Variants in ANKFN1 observed in about 807,000 individuals in gnomAD.
ANKFN1 encodes ankyrin repeat and fibronectin type-III domain-containing protein 1.
In ANKFN1, 74 loss-of-function variants were observed where a neutral mutation model predicts 108.7. The ratio of observed to expected loss-of-function variants is 0.68; its 90% CI spans 0.56 to 0.83. The LOEUF is 0.83. ANKFN1 is among the 40% of genes least tolerant of loss of function. ANKFN1 has a pLI of 0.00. For missense variants in ANKFN1, 1,505 were observed against 1,382.3 expected, an observed-to-expected ratio of 1.09 and a Z score of -1.41; for synonymous variants, 547 against 516.2, an observed-to-expected ratio of 1.06 and a Z score of -0.81.
chr17:56,202,935 T>C (rs751081170), intron 1 of ANKFN1, among the ~76,000 whole-genome samples: 9 of 152,192 alleles, frequency 5.9e-5, no homozygotes, highest in Non-Finnish European at 1.3e-4. Flanking sequence ...TAATGAGAAA[T>C]GTTAGCTAAA....
chr17:56,116,067 C>A (rs1280779100), intron 4 of ANKFN1, among the ~76,000 whole-genome samples: 1 of 152,192 alleles, frequency 6.6e-6, no homozygotes, highest in East Asian at 1.9e-4. Context: ...TCAAACATCA[C>A]CACCTCTCCA....
chr17:56,186,446 C>T (rs1159579347), intron 1 of ANKFN1, among the ~76,000 whole-genome samples: 3 of 151,816 alleles, frequency 2.0e-5, no homozygotes, highest in Admixed American at 6.6e-5. Flanking sequence ...AGAGGTTAAG[C>T]GGCTTGTCCA....
At chr17:56,229,682 AAAAAAAG>A (rs1916567738) in intron 3 of ANKFN1, among the ~76,000 whole-genome samples, 1 of 149,918 alleles carries the variant, frequency 6.7e-6, no homozygotes, top group African/African-American at 2.4e-5. Context: ...AAAAAAAAAA[AAAAAAAG>A]GGGGGTTGGG....
At chr17:56,081,225 A>G (rs1185579116) in intron 4 of ANKFN1, among the ~76,000 whole-genome samples, 8 of 152,220 alleles carry the variant, frequency 5.3e-5, no homozygotes, top group Non-Finnish European at 1.0e-4. Context: ...AGTTTATTAA[A>G]CAGCATTAGA....
At chr17:56,397,115 C>A (rs1413321047) in intron 8 of ANKFN1, among the ~76,000 whole-genome samples, 2 of 151,802 alleles carry the variant, frequency 1.3e-5, no homozygotes, top group Non-Finnish European at 2.9e-5. Flanking sequence ...TATACTCATA[C>A]TCAAAAACAT....
At chr17:56,406,469 A>T (rs1278435010) in intron 8 of ANKFN1, among the ~76,000 whole-genome samples, 1 of 152,138 alleles carries the variant, frequency 6.6e-6, no homozygotes, top group Non-Finnish European at 1.5e-5. Context: ...TCCCCAAAAG[A>T]GTCTTTTATA....
chr17:56,210,427 C>T (rs954672162), intron 1 of ANKFN1, among the ~76,000 whole-genome samples: 1 of 152,094 alleles, frequency 6.6e-6, no homozygotes, highest in African/African-American at 2.4e-5. Flanking sequence ...TGATTATGGC[C>T]ATTCTTGAAG....
intron 4 of ANKFN1, 135 bp downstream of exon 4, chr17:56,326,490 G>C: frequency 2.6e-6 from 3 of 1,146,148 alleles, no homozygotes; most frequent in Non-Finnish European, 3.6e-6. Flanking sequence ...TTAGCTGCAG[G>C]TGGTCCATGA....
At chr17:56,498,755 T>G (rs1359260012) in intron 19 of ANKFN1, 127 bp from the exon 20 acceptor site, 1 of 749,772 alleles carries the variant, frequency 1.3e-6, no homozygotes, top group Admixed American at 2.8e-5. Context: ...AAATCTATGT[T>G]AAAAATATTT....
At chr17:56,075,356 A>G (rs9898039) in intron 4 of ANKFN1, among the ~76,000 whole-genome samples, 84,545 of 151,968 alleles carry the variant, frequency 0.56, 24,957 homozygotes, top group Non-Finnish European at 0.68. Context: ...CTTGCATACT[A>G]GTAATTGCAG....
At chr17:56,089,195 G>C (rs1598092397) in intron 4 of ANKFN1, among the ~76,000 whole-genome samples, 1 of 151,370 alleles carries the variant, frequency 6.6e-6, no homozygotes, top group East Asian at 1.9e-4. Flanking sequence ...CCTATTCACT[G>C]ATATATTGTG....
chr17:56,236,189 C>T (rs1917127708), intron 3 of ANKFN1, among the ~76,000 whole-genome samples: 1 of 152,012 alleles, frequency 6.6e-6, no homozygotes, highest in African/African-American at 2.4e-5. Flanking sequence ...TCCTGAGTAG[C>T]TGGGACTACA....
At chr17:56,079,928 A>G (rs1320507347) in intron 4 of ANKFN1, among the ~76,000 whole-genome samples, 1 of 152,228 alleles carries the variant, frequency 6.6e-6, no homozygotes, top group Non-Finnish European at 1.5e-5. Context: ...TCTATTTATA[A>G]TAAATAAATT....
intron 3 of ANKFN1, among the ~76,000 whole-genome samples, chr17:56,309,630 C>T (rs754127923): frequency 1.3e-5 from 2 of 152,058 alleles, no homozygotes; most frequent in African/African-American, 4.8e-5. Context: ...CTTTCATCCA[C>T]AGGGGATACA....
At chr17:56,420,689 T>C (rs1449990589) in intron 8 of ANKFN1, among the ~76,000 whole-genome samples, 2 of 150,636 alleles carry the variant, frequency 1.3e-5, no homozygotes, top group African/African-American at 4.9e-5. Flanking sequence ...CCTTCTTTTT[T>C]TTTTTTTTTT....
At chr17:56,386,831 T>C (rs1282662650) in intron 8 of ANKFN1, among the ~76,000 whole-genome samples, 1 of 152,082 alleles carries the variant, frequency 6.6e-6, no homozygotes, top group Non-Finnish European at 1.5e-5. Context: ...TTATCGGATT[T>C]AAGAAGTCTT....
chr17:56,284,136 C>G (rs1316463089), intron 3 of ANKFN1, among the ~76,000 whole-genome samples: 1 of 152,130 alleles, frequency 6.6e-6, no homozygotes, highest in African/African-American at 2.4e-5. Context: ...CACATGCTCA[C>G]AGGCAAACAC....
At chr17:56,082,028 A>G (rs1905252065) in intron 4 of ANKFN1, among the ~76,000 whole-genome samples, 1 of 151,974 alleles carries the variant, frequency 6.6e-6, no homozygotes, top group South Asian at 2.1e-4. Context: ...GCGACCAATT[A>G]TTATTTTACA....
At chr17:56,431,348 TA>T (rs2048747771) in intron 8 of ANKFN1, among the ~76,000 whole-genome samples, 2 of 152,234 alleles carry the variant, frequency 1.3e-5, no homozygotes, top group Admixed American at 1.3e-4. Context: ...ACATTTTCTG[TA>T]AAAGAAGCTG....
Sources: gnomAD v4.1 joint callset for allele counts (sites outside exome capture counted in the v4.1 genomes callset) on GRCh38, gnomAD v4.1.1 for gene constraint, MANE v1.5 for transcripts, NCBI Gene and HGNC (gene_info 2026-07-23, HGNC 2026-07-21) for gene names.